ILDR2: variants seen among roughly 807,000 people sequenced by gnomAD.
The protein encoded by ILDR2 is immunoglobulin like domain containing receptor 2.
In ILDR2, 25 loss-of-function variants were observed where a neutral mutation model predicts 66.8. The ratio of observed to expected loss-of-function variants is 0.37; its 90% confidence interval spans 0.27 to 0.52. The LOEUF (loss-of-function observed/expected upper bound fraction) is 0.52, where lower values mean the gene tolerates loss of function less well. Among genes scored for constraint, ILDR2 ranks in the 20% least tolerant of loss-of-function variants. The pLI, the probability that ILDR2 is intolerant of heterozygous loss-of-function variation, is 0.88. For synonymous variants in ILDR2, 367 were observed against 357.2 expected (o/e 1.03, Z -0.31); for missense variants, 827 against 876.8 (o/e 0.94, Z 0.72).
chr1:166,962,080 T>A (rs2101998599), intron 1 of ILDR2, among the ~76,000 whole-genome samples: 1 of 152,230 alleles, frequency 6.6e-6, no homozygotes, highest in Middle Eastern at 3.4e-3. Flanking sequence ...CAGAGTGAAG[T>A]GTTGGAGATA....
chr1:166,919,516 C>T lies in ILDR2; in HGVS notation c.1885-126G>A, dbSNP rs891377783. On this transcript the variant is annotated intron_variant, in intron 9 of 9. Transcript: ENST00000271417. The stretch of plus-strand genomic sequence containing the variant: ...TGCCAGGCACCCCTGATTCTCAGAA[C>T]CTTTCATTAGACCTGTGATGGTTGA... The T allele has an allele frequency of 2.4e-5, 18 of 763,602 alleles. No homozygotes were observed. The East Asian group carries it at 4.9e-4, about 21-fold the overall frequency. The allele number at this position is 763,602 out of a possible 1,614,324, so 47.3% of individuals were successfully genotyped here. A position where few individuals can be genotyped will look rare whatever the true frequency, so the allele number is the denominator to read the frequency against.
chr1:166,941,884 G>A (rs1377539019), intron 3 of ILDR2, among the ~76,000 whole-genome samples: 4 of 152,102 alleles, frequency 2.6e-5, no homozygotes, highest in Non-Finnish European at 5.9e-5. Flanking sequence ...ATAGCAAACC[G>A]TGATAATTAA....
At chr1:166,946,897 G>T (rs1420132948) in intron 3 of ILDR2, among the ~76,000 whole-genome samples, 1 of 152,190 alleles carries the variant, frequency 6.6e-6, no homozygotes, top group East Asian at 1.9e-4. Flanking sequence ...TTGGATGTAG[G>T]AAATGTTGGA....
rs1659900579 is a variant in ILDR2, at chr1:166,921,063, G to A, written c.1528C>T (p.Leu510=). The A allele has an allele frequency of 6.7e-6, 10 of 1,493,044 alleles. No homozygotes were observed. In the South Asian group the frequency reaches 9.0e-5, roughly 13 times the overall value. 92.5% of individuals were successfully genotyped at this position (1,493,044 alleles called of 1,614,324 possible). The part of the protein sequence containing the change: ...ARRRPAEDAH[L]PRLVSRTPGT... ...GGCGTGCGGCTCACCAGCCGCGGCA[G>A]GTGCGCGTCCTCGGCGGGTCTGCGG... Residue 510 remains leucine, a synonymous_variant, in exon 9 of 10, where the codon CTG becomes TTG. Transcript: ENST00000271417. The surrounding 1 kb of genome is among the most constrained non-coding windows in gnomAD (Gnocchi z 5.3).
intron 3 of ILDR2, among the ~76,000 whole-genome samples, chr1:166,943,423 C>G (rs1448107645): frequency 7.8e-6 from 1 of 128,838 alleles, no homozygotes; most frequent in Non-Finnish European, 1.6e-5. Flanking sequence ...ACCCGGGAGG[C>G]GGAGCTTGCA....
chr1:166,904,355 C>T (rs1659307363), downstream of ILDR2, among the ~76,000 whole-genome samples: 1 of 152,180 alleles, frequency 6.6e-6, no homozygotes, highest in Non-Finnish European at 1.5e-5. Context: ...ATCTGCAGGC[C>T]CTTCTTACCA....
In ILDR2 at chr1:166,915,116, C is replaced by A. The variant is rs1020685026; in HGVS notation, c.*4239G>T. 4 of 152,194 alleles carry A rather than the reference C, an allele frequency of 2.6e-5. No homozygotes were observed. The highest frequency in any genetic ancestry group is 9.7e-5 in the African/African-American group (4 of 41,436). The allele number at this position is 152,194 out of a possible 1,614,324, so 9.4% of individuals were successfully genotyped here. On this transcript the variant is annotated 3_prime_UTR_variant, in exon 10 of 10. Transcript: ENST00000271417. ...CTTGTTGTCTGTTCTGAGACTGTCA[C>A]AATAGATCACTGTTCTGGGAATGGA... is the stretch of plus-strand genomic sequence containing the variant.
chr1:166,957,923 G>A lies in ILDR2; in HGVS notation c.225C>T (p.Thr75=), dbSNP rs1312867641. 1 of 1,614,026 alleles carries A rather than the reference G, an allele frequency of 6.2e-7. No individual in the cohort carries two copies. Among genetic ancestry groups the A allele is most frequent in the Non-Finnish European group, 8.5e-7 (1 of 1,180,026 alleles). ...TTCTCTTGCTGAGAGATTGGGCCCG[G>A]GTAGAGGACATGCCCAAGGATTCTC... ...RMGESLGMSS[T]RAQSLSKRNL... The change falls in exon 2 of 10, where the codon ACC becomes ACT. Residue 75 remains threonine, a synonymous_variant. Coordinates refer to ENST00000271417, the MANE Select transcript of ILDR2 (RefSeq NM_199351.3).
chr1:166,913,616 C>T lies in ILDR2; in HGVS notation c.*5739G>A, dbSNP rs1349339902. On this transcript the variant is annotated 3_prime_UTR_variant, in exon 10 of 10. Transcript: ENST00000271417. ...AACTACTATATCTTTTTCCTTCTCA[C>T]ATTCCTTATTCCTCTATATCTGATC... 1 of 152,114 alleles carries T rather than the reference C, an allele frequency of 6.6e-6. No homozygotes were observed. Among genetic ancestry groups the T allele is most frequent in the East Asian group, 1.9e-4 (1 of 5,188 alleles). 9.4% of individuals were successfully genotyped at this position (152,114 alleles called of 1,614,324 possible).
Position 166,922,742 on chromosome 1 carries a change from A to T in ILDR2, c.1062T>A (p.His354Gln). The T allele has an allele frequency of 6.2e-7, 1 of 1,614,198 alleles. No homozygotes were observed. The highest frequency in any genetic ancestry group is 8.5e-7 in the Non-Finnish European group (1 of 1,180,044). ...CAGGGAACTGCTTGCTTCTCATCTG[A>T]TGGAAAGACTGGCGGAAATTGCTGT... The part of the protein sequence containing the change: ...EEDSNFRQSF[H>Q]QMRSKQFPVS... The change falls in exon 8 of 10, where the codon CAT becomes CAA. Residue 354 changes from histidine to glutamine, a missense_variant. By Grantham distance (24) the His-to-Gln change is conservative (BLOSUM62 0). This residue lies in a region of ILDR2 where 437 missense variants were observed against 523.2 expected (regional missense o/e 0.84). Transcript: ENST00000271417.
chr1:166,956,212 C>T (rs1347373204), intron 3 of ILDR2, among the ~76,000 whole-genome samples: 1 of 152,186 alleles, frequency 6.6e-6, no homozygotes, highest in Non-Finnish European at 1.5e-5. Context: ...AACACTAGTA[C>T]ATCTCCCAAG....
At chr1:166,901,530 C>T (rs1288939301) in intron 2 of ILDR2, among the ~76,000 whole-genome samples, 2 of 152,194 alleles carry the variant, frequency 1.3e-5, no homozygotes, top group Admixed American at 1.3e-4. Flanking sequence ...CCTCCCTCAT[C>T]CTGAACCAAG....
intron 2 of ILDR2, among the ~76,000 whole-genome samples, chr1:166,898,664 T>A (rs780222589): frequency 6.6e-6 from 1 of 152,254 alleles, no homozygotes; most frequent in Non-Finnish European, 1.5e-5. Context: ...GTACATGATA[T>A]GACATGATGA....
At chr1:166,932,216 A>G (rs1660680977) in intron 6 of ILDR2, among the ~76,000 whole-genome samples, 1 of 152,264 alleles carries the variant, frequency 6.6e-6, no homozygotes, top group Admixed American at 6.5e-5. Context: ...CAAAGGAGGT[A>G]ATGATTGAAA....
At chr1:166,927,500 C>T (rs1338240202) in intron 6 of ILDR2, among the ~76,000 whole-genome samples, 1 of 152,192 alleles carries the variant, frequency 6.6e-6, no homozygotes, top group Non-Finnish European at 1.5e-5. Flanking sequence ...AGCGCTTTTG[C>T]GTTCCATTGG....
intron 1 of ILDR2, among the ~76,000 whole-genome samples, chr1:166,967,026 T>G (rs1662994662): frequency 6.6e-6 from 1 of 152,260 alleles, no homozygotes; most frequent in African/African-American, 2.4e-5. Flanking sequence ...CATCTCCTTC[T>G]TCCTTTCAGT....
chr1:166,909,805 A>C lies in ILDR2; in HGVS notation c.*9550T>G, dbSNP rs1275091963. On this transcript the variant is annotated 3_prime_UTR_variant, in exon 10 of 10. Transcript: ENST00000271417. ...TTTATATATATATATATATATATAT[A>C]TCCTTCTAGCTTTGCTCTACTGGAC... 9 of 120,672 alleles carry C rather than the reference A, an allele frequency of 7.5e-5. No individual in the cohort carries two copies. Among genetic ancestry groups the C allele is most frequent in the East Asian group, 4.8e-4 (2 of 4,202 alleles). 7.5% of individuals were successfully genotyped at this position (120,672 alleles called of 1,614,324 possible). A position where few individuals can be genotyped will look rare whatever the true frequency, so the allele number is the denominator to read the frequency against.
chr1:166,920,652 G>C, intron 9 of ILDR2, 55 bp downstream of exon 9: 1 of 1,338,750 alleles, frequency 7.5e-7, no homozygotes, highest in Non-Finnish European at 9.6e-7. Flanking sequence ...TGCTCGCCCT[G>C]CCTGGAGGCT....
intron 2 of ILDR2, among the ~76,000 whole-genome samples, chr1:166,896,367 G>A (rs114451958): frequency 6.0e-4 from 91 of 152,238 alleles, no homozygotes; most frequent in Non-Finnish European, 1.1e-3. Context: ...AGGTGGACAG[G>A]AGTCAGCATG....
Sources: gnomAD v4.1 joint callset for allele counts (sites outside exome capture counted in the v4.1 genomes callset) on GRCh38, gnomAD v4.1.1 for gene constraint, gnomAD v4.1.1 regional missense constraint, Gnocchi (gnomAD v3.1) non-coding constraint, MANE v1.5 for transcripts, NCBI Gene and HGNC (gene_info 2026-07-23, HGNC 2026-07-21) for gene names.